Variants in COL11A1 observed in about 807,000 individuals in gnomAD.
COL11A1 encodes collagen alpha-1(XI) chain.
Under a neutral mutation model 265.2 loss-of-function variants are expected in COL11A1, and 74 were observed. That is an observed-to-expected ratio of 0.28 (90% CI 0.23 to 0.34). The LOEUF (loss-of-function observed/expected upper bound fraction) is 0.34, where lower values mean the gene tolerates loss of function less well. COL11A1 is among the 10% of genes least tolerant of loss of function. The pLI, the probability that COL11A1 is intolerant of heterozygous loss-of-function variation, is 1.00. For synonymous variants in COL11A1, 816 were observed against 727.6 expected (o/e 1.12, Z -1.96); for missense variants, 2,165 against 2,263.6 (o/e 0.96, Z 0.88).
intron 46 of COL11A1, among the ~76,000 whole-genome samples, chr1:102,930,985 TTTTC>T (rs1456178172): frequency 2.0e-5 from 3 of 149,966 alleles, no homozygotes; most frequent in African/African-American, 7.3e-5. Flanking sequence ...TTCTCTCTTT[TTTTC>T]TTTATTAGTC....
In COL11A1 at chr1:102,877,460, T is replaced by C. The variant is rs1649633928; in HGVS notation, c.*559A>G. On this transcript the variant is annotated 3_prime_UTR_variant, in exon 67 of 67. Coordinates refer to ENST00000370096, the MANE Select transcript of COL11A1 (RefSeq NM_001854.4). Reference sequence around the variant, plus strand: ...CAATATATACAAAGGCATTTTATTATTAACCAAAGAAAGGGACTTAGAGTC... The same window carrying C: ...CAATATATACAAAGGCATTTTATTACTAACCAAAGAAAGGGACTTAGAGTC... The C allele has an allele frequency of 6.6e-6, 1 of 152,638 alleles. No homozygotes were observed. Among genetic ancestry groups the C allele is most frequent in the Admixed American group, 6.6e-5 (1 of 15,254 alleles). The allele number at this position is 152,638 out of a possible 1,614,324, so 9.5% of individuals were successfully genotyped here. A position where few individuals can be genotyped will look rare whatever the true frequency, so the allele number is the denominator to read the frequency against.
rs528840896 is a variant in COL11A1 at position 103,039,507 on chromosome 1, A to C, written c.652-8263T>G. On this transcript the variant is annotated intron_variant, in intron 4 of 66. Transcript: ENST00000370096. ...TCTGACTGGTCTCCTTTAAGAAAGG[A>C]GTAAGACACAAACACACACAGAGGA... Among the ~76,000 whole-genome samples, 95 of 151,996 alleles carry C rather than the reference A, an allele frequency of 6.3e-4. 1 individual carries two copies. Among genetic ancestry groups the C allele is most frequent in the African/African-American group, 2.3e-3 (94 of 41,498 alleles).
chr1:103,073,665 A>C (rs1671751344), intron 4 of COL11A1, among the ~76,000 whole-genome samples: 1 of 151,936 alleles, frequency 6.6e-6, no homozygotes, highest in South Asian at 2.1e-4. Context: ...AATGTTTATT[A>C]TAATAATAAT....
chr1:102,960,030 T>C (rs1391814471), intron 41 of COL11A1, among the ~76,000 whole-genome samples: 1 of 152,146 alleles, frequency 6.6e-6, no homozygotes, highest in Non-Finnish European at 1.5e-5. Context: ...ATAAGAACTT[T>C]TGTCTTATTA....
At chr1:103,067,875 A>G (rs1479767880) in intron 4 of COL11A1, among the ~76,000 whole-genome samples, 2 of 151,210 alleles carry the variant, frequency 1.3e-5, no homozygotes, top group African/African-American at 4.9e-5. Context: ...CTTGAAAAAT[A>G]AAACTTAACA....
chr1:102,903,338 G>C (rs889612608), intron 54 of COL11A1, among the ~76,000 whole-genome samples: 13 of 152,004 alleles, frequency 8.6e-5, no homozygotes, highest in Admixed American at 2.6e-4. Flanking sequence ...TCAATATTCT[G>C]TTAGGAAGTT....
At position 102,979,495 on chromosome 1, in the gene COL11A1, TG is replaced by T. The variant is rs1662831360; in HGVS notation, c.2557-61del. 3 of 1,142,202 alleles carry T rather than the reference TG, an allele frequency of 2.6e-6. No homozygotes were observed. The East Asian group carries it at 7.2e-5, about 27-fold the overall frequency. The allele number at this position is 1,142,202 out of a possible 1,614,324, so 70.8% of individuals were successfully genotyped here. On this transcript the variant is annotated intron_variant, in intron 31 of 66. Coordinates refer to ENST00000370096, the MANE Select transcript of COL11A1 (RefSeq NM_001854.4). Reference sequence around the variant, plus strand: ...GCAATTAACATTTTCAGTCACAAGATGTAATTTATTTTGGAACAGAGTGATT... The same window carrying T: ...GCAATTAACATTTTCAGTCACAAGATTAATTTATTTTGGAACAGAGTGATT...
At chr1:102,918,294 T>G (rs78733122) in intron 49 of COL11A1, among the ~76,000 whole-genome samples, 1 of 151,818 alleles carries the variant, frequency 6.6e-6, no homozygotes, top group Non-Finnish European at 1.5e-5. Flanking sequence ...TTATAAAATA[T>G]GTATAAATCT....
intron 57 of COL11A1, among the ~76,000 whole-genome samples, chr1:102,897,871 G>T (rs536100244): frequency 6.6e-6 from 1 of 151,908 alleles, no homozygotes; most frequent in East Asian, 1.9e-4. Flanking sequence ...GATCATTAGT[G>T]GCATTTCATT....
At chr1:102,910,113 A>G (rs1654469595) in intron 54 of COL11A1, among the ~76,000 whole-genome samples, 1 of 151,978 alleles carries the variant, frequency 6.6e-6, no homozygotes. Flanking sequence ...TCATATTATT[A>G]TACTAAAAGG....
At chr1:103,061,588 A>T (rs1379092073) in intron 4 of COL11A1, among the ~76,000 whole-genome samples, 1 of 152,082 alleles carries the variant, frequency 6.6e-6, no homozygotes, top group Non-Finnish European at 1.5e-5. Context: ...AAATCCCAAA[A>T]TAATTGGAAA....
At chr1:102,955,825 C>A (rs780658751) in intron 41 of COL11A1, among the ~76,000 whole-genome samples, 3 of 152,072 alleles carry the variant, frequency 2.0e-5, no homozygotes, top group Non-Finnish European at 4.4e-5. Context: ...TGCTGCACTG[C>A]CTTACTCTCT....
At position 102,877,264 on chromosome 1, in the gene COL11A1, T is replaced by C. The variant is rs1235903126; in HGVS notation, c.*755A>G. ...ATCCTGGATTCTGAGAAGAAAAAGTTTGAGGTATAGCCTTGAATAAAGCAT... is the reference window on the plus strand; with the variant it reads ...ATCCTGGATTCTGAGAAGAAAAAGTCTGAGGTATAGCCTTGAATAAAGCAT... On this transcript the variant is annotated 3_prime_UTR_variant, in exon 67 of 67. Coordinates refer to ENST00000370096, the MANE Select transcript of COL11A1 (RefSeq NM_001854.4). 19 of 152,630 alleles carry C rather than the reference T, an allele frequency of 1.2e-4. No individual in the cohort carries two copies. The highest frequency in any genetic ancestry group is 9.2e-4 in the Admixed American group (14 of 15,274). The allele number at this position is 152,630 out of a possible 1,614,324, so 9.5% of individuals were successfully genotyped here.
chr1:102,966,022 T>C (rs1661371378), intron 37 of COL11A1, among the ~76,000 whole-genome samples: 1 of 152,208 alleles, frequency 6.6e-6, no homozygotes, highest in South Asian at 2.1e-4. Context: ...TTTGCATAGT[T>C]AGTAATTATT....
intron 4 of COL11A1, among the ~76,000 whole-genome samples, chr1:103,070,760 T>C (rs1471601154): frequency 6.6e-6 from 1 of 151,986 alleles, no homozygotes; most frequent in Non-Finnish European, 1.5e-5. Context: ...TAAATGCATC[T>C]AGACTGGGTA....
intron 21 of COL11A1, 27 bp downstream of exon 21, chr1:103,003,188 A>G: frequency 6.2e-7 from 1 of 1,612,428 alleles, no homozygotes; most frequent in Non-Finnish European, 8.5e-7. Context: ...TCCCTAGAAA[A>G]TCTTCAATGT....
intron 3 of COL11A1, among the ~76,000 whole-genome samples, chr1:103,075,347 C>T (rs1406182031): frequency 6.6e-6 from 1 of 152,120 alleles, no homozygotes; most frequent in African/African-American, 2.4e-5. Context: ...TATTTTTCCA[C>T]TTTAATTTCA....
At chr1:103,099,545 T>C (rs868137937) in intron 1 of COL11A1, among the ~76,000 whole-genome samples, 13 of 151,104 alleles carry the variant, frequency 8.6e-5, no homozygotes, top group Non-Finnish European at 1.5e-4. Context: ...TAATCCCCAA[T>C]AGCATACCAA....
intron 57 of COL11A1, among the ~76,000 whole-genome samples, chr1:102,893,209 C>A (rs1032514761): frequency 1.3e-5 from 2 of 152,082 alleles, no homozygotes; most frequent in African/African-American, 4.8e-5. Flanking sequence ...AAGAAAAGAA[C>A]TACTAGTGAT....
Sources: gnomAD v4.1 joint callset for allele counts (sites outside exome capture counted in the v4.1 genomes callset) on GRCh38, gnomAD v4.1.1 for gene constraint, MANE v1.5 for transcripts, NCBI Gene and HGNC (gene_info 2026-07-23, HGNC 2026-07-21) for gene names.